GPC5: variants seen among roughly 807,000 people sequenced by gnomAD.
GPC5 encodes glypican 5, also known as glypican-5.
GPC5 carries 47 observed loss-of-function variants against 53.9 expected under a neutral mutation model. The observed-to-expected ratio is 0.87, with a 90% confidence interval of 0.69 to 1.11. GPC5 has a LOEUF of 1.11. Among genes scored for constraint, GPC5 ranks in the 50% most tolerant of loss-of-function variants. GPC5 has a pLI of 0.00. For synonymous variants in GPC5, 286 were observed against 263.3 expected, an observed-to-expected ratio of 1.09 and a Z score of -0.84; for missense variants, 748 against 713.1, an observed-to-expected ratio of 1.05 and a Z score of -0.56.
chr13:92,177,984 A>G (rs2042120473), intron 7 of GPC5, among the ~76,000 whole-genome samples: 1 of 152,214 alleles, frequency 6.6e-6, no homozygotes, highest in Non-Finnish European at 1.5e-5. Flanking sequence ...AAAAAGTTCA[A>G]ACCACCAATA....
intron 7 of GPC5, among the ~76,000 whole-genome samples, chr13:92,750,372 A>T (rs577062328): frequency 6.6e-6 from 1 of 152,254 alleles, no homozygotes; most frequent in South Asian, 2.1e-4. Context: ...GAACTCTATC[A>T]TTCTGTTTTC....
intron 6 of GPC5, among the ~76,000 whole-genome samples, chr13:92,004,308 G>A (rs983161615): frequency 1.3e-5 from 2 of 150,932 alleles, no homozygotes; most frequent in African/African-American, 4.9e-5. Context: ...AACTGGATGT[G>A]GTGACGTGCG....
At chr13:92,434,799 G>A (rs747392769) in intron 7 of GPC5, among the ~76,000 whole-genome samples, 1 of 152,192 alleles carries the variant, frequency 6.6e-6, no homozygotes, top group African/African-American at 2.4e-5. Flanking sequence ...AAAGACAGGA[G>A]CAGAGCTGGG....
At chr13:91,595,559 TGTG>T (rs1278594693) in intron 2 of GPC5, among the ~76,000 whole-genome samples, 1 of 152,222 alleles carries the variant, frequency 6.6e-6, no homozygotes, top group Admixed American at 6.5e-5. Context: ...TCTTTCCTCT[TGTG>T]TTTTCCAAGT....
At chr13:91,710,899 A>C (rs867851072) in intron 3 of GPC5, among the ~76,000 whole-genome samples, 3 of 152,220 alleles carry the variant, frequency 2.0e-5, no homozygotes, top group African/African-American at 7.2e-5. Context: ...GAAAGCCTAC[A>C]CACAATAGTC....
chr13:91,888,599 C>T (rs2039351508), intron 5 of GPC5, among the ~76,000 whole-genome samples: 1 of 152,068 alleles, frequency 6.6e-6, no homozygotes, highest in Non-Finnish European at 1.5e-5. Context: ...ATACACAATA[C>T]CTAGCATGCA....
intron 2 of GPC5, among the ~76,000 whole-genome samples, chr13:91,640,464 A>G (rs1303202430): frequency 6.6e-6 from 1 of 152,212 alleles, no homozygotes; most frequent in Non-Finnish European, 1.5e-5. Flanking sequence ...CAATTATTAA[A>G]AAGTCAAGAA....
intron 7 of GPC5, among the ~76,000 whole-genome samples, chr13:92,648,501 A>C (rs1824672822): frequency 8.5e-5 from 13 of 152,126 alleles, no homozygotes; most frequent in Admixed American, 8.5e-4. Flanking sequence ...TTGGGTAGCC[A>C]CCATTCACCT....
At chr13:92,382,334 A>C (rs994285609) in intron 7 of GPC5, among the ~76,000 whole-genome samples, 1 of 152,042 alleles carries the variant, frequency 6.6e-6, no homozygotes, top group Non-Finnish European at 1.5e-5. Flanking sequence ...TCTGTAACCA[A>C]ATACCACCTG....
intron 7 of GPC5, among the ~76,000 whole-genome samples, chr13:92,623,137 G>T (rs140167809): frequency 0.036 from 5,507 of 151,668 alleles, 136 homozygotes; most frequent in Middle Eastern, 0.12. Flanking sequence ...ATGCACTCCA[G>T]CCTGGGTGAC....
chr13:92,653,632 A>G (rs1256723510), intron 7 of GPC5, among the ~76,000 whole-genome samples: 1 of 152,228 alleles, frequency 6.6e-6, no homozygotes, highest in East Asian at 1.9e-4. Flanking sequence ...AGTTACAAGA[A>G]AGCTAGATGG....
intron 2 of GPC5, among the ~76,000 whole-genome samples, chr13:91,509,056 A>AGGTTGAG (rs1885096384): frequency 6.6e-6 from 1 of 152,178 alleles, no homozygotes; most frequent in Non-Finnish European, 1.5e-5. Context: ...TGAGCCTTGA[A>AGGTTGAG]GGTTGAGACA....
intron 7 of GPC5, among the ~76,000 whole-genome samples, chr13:92,375,300 G>A (rs2043685149): frequency 6.6e-6 from 1 of 152,144 alleles, no homozygotes; most frequent in African/African-American, 2.4e-5. Context: ...GTCTTACAGA[G>A]TCTCATAGAT....
At chr13:92,347,863 ATTATATATATAATATATATT>A (rs2043428267) in intron 7 of GPC5, among the ~76,000 whole-genome samples, 4 of 17,734 alleles carry the variant, frequency 2.3e-4, no homozygotes, top group African/African-American at 2.1e-3. Flanking sequence ...ACATATATAT[ATTATATATATAATATATATT>A]ATATATATTA....
chr13:91,901,738 C>T (rs1594651741), intron 5 of GPC5, among the ~76,000 whole-genome samples: 2 of 151,920 alleles, frequency 1.3e-5, no homozygotes, highest in Non-Finnish European at 1.5e-5. Flanking sequence ...TCCCAGACCT[C>T]CTTTTAAGCC....
At chr13:92,285,787 C>G (rs2042949889) in intron 7 of GPC5, among the ~76,000 whole-genome samples, 1 of 151,998 alleles carries the variant, frequency 6.6e-6, no homozygotes, top group African/African-American at 2.4e-5. Context: ...CCATAAAAAC[C>G]CTAGAAGAAA....
At chr13:92,798,424 C>A (rs1390341950) in intron 7 of GPC5, among the ~76,000 whole-genome samples, 1 of 151,746 alleles carries the variant, frequency 6.6e-6, no homozygotes, top group Non-Finnish European at 1.5e-5. Context: ...GCTATTGAAT[C>A]ATTTATACTT....
chr13:92,526,175 C>A (rs550173886), intron 7 of GPC5, among the ~76,000 whole-genome samples: 5 of 152,090 alleles, frequency 3.3e-5, no homozygotes, highest in African/African-American at 9.6e-5. Context: ...TATTGTTCCA[C>A]AGTATGGAAT....
intron 5 of GPC5, among the ~76,000 whole-genome samples, chr13:91,879,732 A>G (rs1329533610): frequency 6.6e-6 from 1 of 152,176 alleles, no homozygotes; most frequent in Non-Finnish European, 1.5e-5. Context: ...TATAAACACT[A>G]TGTCTGTAGC....
Sources: allele counts gnomAD v4.1 joint callset (sites outside exome capture counted in the v4.1 genomes callset), GRCh38; gene constraint gnomAD v4.1.1; transcripts MANE v1.5; gene names NCBI Gene and HGNC (gene_info 2026-07-23, HGNC 2026-07-21).